SGK3: variants seen among roughly 807,000 people sequenced by gnomAD.
The protein encoded by SGK3 is serine/threonine-protein kinase Sgk3.
In SGK3, 47 loss-of-function variants were observed where a neutral mutation model predicts 68.5. The observed-to-expected ratio is 0.69, with a 90% CI of 0.54 to 0.87. SGK3 has a LOEUF of 0.87. Ranked by LOEUF, SGK3 falls within the 40% of genes least tolerant of loss-of-function variation. The pLI is 0.00. For missense variants in SGK3, 479 were observed against 575.5 expected (o/e 0.83, Z 1.72); for synonymous variants, 181 against 189.1 (o/e 0.96, Z 0.35).
At chr8:66,829,000 C>G (rs1484759202) in intron 7 of SGK3, among the ~76,000 whole-genome samples, 6 of 138,616 alleles carry the variant, frequency 4.3e-5, no homozygotes, top group African/African-American at 1.1e-4. Context: ...GTGTGTGTGT[C>G]TAAAATCAGT....
At position 66,768,059 on chromosome 8, in the gene SGK3, C is replaced by A. The variant is rs1388162337; in HGVS notation, c.-121-25557C>A. 4 of 578,298 alleles carry A rather than the reference C, an allele frequency of 6.9e-6. No homozygotes were observed. The South Asian group carries it at 7.4e-5, about 11-fold the overall frequency. The allele number at this position is 578,298 out of a possible 1,614,324, so 35.8% of individuals were successfully genotyped here. On this transcript the variant is annotated intron_variant, in intron 1 of 16. Coordinates refer to ENST00000521198, the MANE Select transcript of SGK3 (RefSeq NM_001033578.3). ...TTAAGTATATATCTTTAATTTATTA[C>A]AGTCTATCTTCATTTGAATTATACC...
intron 1 of SGK3, among the ~76,000 whole-genome samples, chr8:66,741,946 A>C (rs1217229904): frequency 1.3e-5 from 2 of 152,242 alleles, no homozygotes; most frequent in Non-Finnish European, 2.9e-5. Context: ...GCAGTGCCCC[A>C]GGGCCCCTTA....
intron 16 of SGK3, among the ~76,000 whole-genome samples, chr8:66,858,754 C>T (rs1810627719): frequency 6.6e-6 from 1 of 152,108 alleles, no homozygotes; most frequent in South Asian, 2.1e-4. Context: ...AATTCTTAAA[C>T]TTTCTGTAAA....
chr8:66,740,397 A>G (rs1363431701), intron 1 of SGK3, among the ~76,000 whole-genome samples: 1 of 152,246 alleles, frequency 6.6e-6, no homozygotes, highest in Non-Finnish European at 1.5e-5. Flanking sequence ...ACTATACCAG[A>G]CACATTAATG....
chr8:66,793,753 C>T lies in SGK3; in HGVS notation c.17C>T (p.Thr6Ile), dbSNP rs765422599. The T allele has an allele frequency of 6.2e-7, 1 of 1,613,150 alleles. No individual in the cohort carries two copies. The highest frequency in any genetic ancestry group is 8.5e-7 in the Non-Finnish European group (1 of 1,179,446). ...AGGGATTAAATGCAAAGAGATCACA[C>T]CATGGACTACAAGGAAAGCTGCCCA... is the stretch of plus-strand genomic sequence containing the variant. Reference protein sequence around the residue: MQRDHTMDYKESCPSV... With the variant: MQRDHIMDYKESCPSV... The change falls in exon 2 of 17, where the codon ACC (threonine) becomes ATC (isoleucine). Residue 6 changes from threonine (T) to isoleucine (I), a missense_variant. This residue lies in a region of SGK3 where 298 missense variants were observed against 329.4 expected (regional missense o/e 0.90). Transcript: ENST00000521198.
At chr8:66,827,380 C>CT (rs1434939094) in intron 6 of SGK3, among the ~76,000 whole-genome samples, 4 of 112,506 alleles carry the variant, frequency 3.6e-5, no homozygotes, top group South Asian at 5.8e-4. Context: ...GAGTGAAACT[C>CT]TATCTCAAAA....
chr8:66,817,189 T>C (rs1808624024), intron 5 of SGK3, among the ~76,000 whole-genome samples: 2 of 152,044 alleles, frequency 1.3e-5, no homozygotes, highest in South Asian at 4.1e-4. Context: ...TCTCAACACT[T>C]TGGGAGGCCG....
At chr8:66,790,604 G>C (rs564150991) in intron 1 of SGK3, 1 of 152,298 alleles carries the variant, frequency 6.6e-6, no homozygotes, top group East Asian at 1.9e-4. Context: ...AGTCTTCTCA[G>C]CTTGGCAACT....
chr8:66,836,987 G>T (rs1325566772), intron 10 of SGK3, among the ~76,000 whole-genome samples: 1 of 152,022 alleles, frequency 6.6e-6, no homozygotes. Flanking sequence ...TTTGGGAAAT[G>T]CTGCTATTAC....
chr8:66,777,045 C>T (rs1224826513), intron 1 of SGK3, among the ~76,000 whole-genome samples: 1 of 152,052 alleles, frequency 6.6e-6, no homozygotes, highest in Non-Finnish European at 1.5e-5. Flanking sequence ...GAATGCTCAC[C>T]CAAGGAAGTA....
intron 5 of SGK3, among the ~76,000 whole-genome samples, chr8:66,821,739 A>G (rs1808837657): frequency 7.6e-6 from 1 of 132,378 alleles, no homozygotes; most frequent in Non-Finnish European, 1.5e-5. Context: ...GTTAGCCAGG[A>G]TGGTCTCGAT....
chr8:66,822,017 T>C (rs1285913449), intron 5 of SGK3, among the ~76,000 whole-genome samples: 2 of 151,130 alleles, frequency 1.3e-5, no homozygotes, highest in African/African-American at 2.4e-5. Context: ...TTTGGTATTA[T>C]CTGTCTTTCT....
At chr8:66,755,447 A>C (rs1351454634) in intron 1 of SGK3, among the ~76,000 whole-genome samples, 1 of 152,056 alleles carries the variant, frequency 6.6e-6, no homozygotes, top group African/African-American at 2.4e-5. Flanking sequence ...CAGGTGTGGA[A>C]TATTCCACTT....
At chr8:66,851,339 C>A (rs1161673816) in intron 16 of SGK3, among the ~76,000 whole-genome samples, 1 of 151,918 alleles carries the variant, frequency 6.6e-6, no homozygotes, top group African/African-American at 2.4e-5. Flanking sequence ...CATGGCGAAA[C>A]CCTGTCTCTA....
At chr8:66,772,473 C>T (rs995018352) in intron 1 of SGK3, among the ~76,000 whole-genome samples, 4 of 151,514 alleles carry the variant, frequency 2.6e-5, no homozygotes, top group Non-Finnish European at 5.9e-5. Context: ...TGGCTCATTG[C>T]AGCCTGTACC....
At chr8:66,779,189 T>G (rs1400222021) in intron 1 of SGK3, among the ~76,000 whole-genome samples, 1 of 152,218 alleles carries the variant, frequency 6.6e-6, no homozygotes, top group African/African-American at 2.4e-5. Flanking sequence ...AATTTACTAT[T>G]GTTGAAGTTT....
chr8:66,767,899 T>C, intron 1 of SGK3: 1 of 1,212,338 alleles, frequency 8.2e-7, no homozygotes. Flanking sequence ...AGATCTCCCA[T>C]CTAAGGCTTT....
intron 16 of SGK3, among the ~76,000 whole-genome samples, chr8:66,856,071 CTT>C (rs60655532): frequency 9.0e-5 from 13 of 143,998 alleles, no homozygotes; most frequent in South Asian, 2.2e-4. Flanking sequence ...CTCAACTGTT[CTT>C]TTTTTTTTTT....
chr8:66,712,984 G>T (rs1804533790), intron 1 of SGK3, among the ~76,000 whole-genome samples, 151 bp downstream of exon 1: 1 of 152,172 alleles, frequency 6.6e-6, no homozygotes, highest in Non-Finnish European at 1.5e-5. Context: ...CCCGGCTCCC[G>T]GAGAGTTTGT....
Sources: gnomAD v4.1 joint callset for allele counts (sites outside exome capture counted in the v4.1 genomes callset) on GRCh38, gnomAD v4.1.1 for gene constraint, gnomAD v4.1.1 regional missense constraint, MANE v1.5 for transcripts, NCBI Gene and HGNC (gene_info 2026-07-23, HGNC 2026-07-21) for gene names.